The following CD36 variants were observed in gnomAD, a reference collection of about 807,000 sequenced individuals.
CD36 encodes the protein platelet glycoprotein 4.
CD36 carries 119 observed loss-of-function variants against 55.2 expected under a neutral mutation model. The observed-to-expected ratio is 2.15, with a 90% CI of 1.86 to 2.51. The LOEUF is 2.51. CD36 is among the 30% of genes most tolerant of loss of function. The pLI, the probability that CD36 is intolerant of heterozygous loss-of-function variation, is 0.00. For synonymous variants in CD36, 186 were observed against 193.6 expected (o/e 0.96, Z 0.33); for missense variants, 819 against 555.5 (o/e 1.47, Z -4.77).
intron 1 of CD36, among the ~76,000 whole-genome samples, chr7:80,642,469 A>G (rs904297637): frequency 2.0e-5 from 3 of 152,124 alleles, no homozygotes; most frequent in Admixed American, 6.5e-5. Flanking sequence ...CTGTGTGACT[A>G]CATGTGCTAT....
intron 5 of CD36, chr7:80,662,476 C>T (rs1584423209): frequency 1.9e-5 from 5 of 263,052 alleles, no homozygotes; most frequent in South Asian, 1.1e-4. Context: ...GGCAGAGAGC[C>T]TCGTGCCGTT....
At chr7:80,606,836 A>G (rs1792577557) in intron 1 of CD36, among the ~76,000 whole-genome samples, 1 of 152,104 alleles carries the variant, frequency 6.6e-6, no homozygotes, top group South Asian at 2.1e-4. Flanking sequence ...GGGGATGGTT[A>G]CCAGCTGGTG....
intron 7 of CD36, among the ~76,000 whole-genome samples, chr7:80,665,147 T>C (rs1430914125): frequency 1.3e-5 from 2 of 152,012 alleles, no homozygotes; most frequent in Non-Finnish European, 2.9e-5. Context: ...ATGAAGACTT[T>C]GCCAACTTTA....
At chr7:80,648,596 A>G (rs778547597) in intron 3 of CD36, among the ~76,000 whole-genome samples, 16 of 152,128 alleles carry the variant, frequency 1.1e-4, no homozygotes, top group Admixed American at 8.5e-4. Flanking sequence ...GTGCTTTTGT[A>G]TAATGACTAA....
At chr7:80,636,828 T>C (rs1158626646), upstream of CD36, 2 of 152,088 alleles carry the variant, frequency 1.3e-5, no homozygotes, top group Non-Finnish European at 2.9e-5. Context: ...CTGTGTGCTT[T>C]CAGATCTTGT....
chr7:80,671,946 C>T lies in CD36; in HGVS notation c.1031C>T (p.Pro344Leu), dbSNP rs766306376. 8 of 1,611,196 alleles carry T rather than the reference C, an allele frequency of 5.0e-6. No individual in the cohort carries two copies. In the Admixed American group the frequency reaches 1.0e-4, roughly 20 times the overall value. ...KEGRPVYISL[P>L]HFLYASPDVS... Reference sequence around the variant, plus strand: ...GGGAGACCTGTGTACATTTCACTTCCTCATTTTCTGTATGCAAGTCCTGAT... The same window carrying T: ...GGGAGACCTGTGTACATTTCACTTCTTCATTTTCTGTATGCAAGTCCTGAT... Residue 344 changes from proline to leucine, a missense_variant, in exon 11 of 15, where the codon CCT (proline) becomes CTT (leucine). By Grantham distance (98) the Pro-to-Leu change is moderately conservative (BLOSUM62 -3). Transcript: ENST00000447544.
At chr7:80,605,229 A>G (rs1459824636) in intron 1 of CD36, among the ~76,000 whole-genome samples, 1 of 152,166 alleles carries the variant, frequency 6.6e-6, no homozygotes, top group East Asian at 1.9e-4. Flanking sequence ...ATTCATTGAC[A>G]TACTCTTTCA....
intron 3 of CD36, among the ~76,000 whole-genome samples, chr7:80,650,099 A>G (rs1044302644): frequency 2.6e-5 from 4 of 152,094 alleles, no homozygotes; most frequent in Admixed American, 2.6e-4. Flanking sequence ...GGAAAAGAGA[A>G]GATTCAGACT....
At chr7:80,668,029 G>C (rs1034956960) in intron 8 of CD36, among the ~76,000 whole-genome samples, 2 of 152,030 alleles carry the variant, frequency 1.3e-5, no homozygotes, top group Non-Finnish European at 2.9e-5. Flanking sequence ...TTACAGGCTT[G>C]AGCCACCACA....
upstream of CD36, among the ~76,000 whole-genome samples, chr7:80,636,656 A>C (rs1027837939): frequency 3.3e-5 from 5 of 152,178 alleles, no homozygotes; most frequent in African/African-American, 9.7e-5. Flanking sequence ...AGCAAGGTAT[A>C]TGCTCACATA....
At position 80,661,120 on chromosome 7, in the gene CD36, T is replaced by C. The variant is rs755912548; in HGVS notation, c.339T>C (p.Ser113=). 6 of 1,614,046 alleles carry C rather than the reference T, an allele frequency of 3.7e-6. No individual in the cohort carries two copies. The South Asian group carries it at 6.6e-5, about 18-fold the overall frequency. The change falls in exon 5 of 15, where the codon TCT becomes TCC. Residue 113 remains serine (S), a synonymous_variant. Transcript: ENST00000447544. ...AGGACGCTGAGGACAACACAGTCTC[T>C]TTCCTGCAGCCCAATGGTGCCATCT... is the stretch of plus-strand genomic sequence containing the variant. The part of the protein sequence containing the change: ...VTQDAEDNTV[S]FLQPNGAIFE...
At chr7:80,674,300 A>C in intron 14 of CD36, 153 bp downstream of exon 14, 1 of 612,046 alleles carries the variant, frequency 1.6e-6, no homozygotes, top group Non-Finnish European at 2.9e-6. Flanking sequence ...TAAACCTATA[A>C]ATATTATCAC....
chr7:80,627,600 T>C (rs1040787931), intron 1 of CD36, among the ~76,000 whole-genome samples: 1 of 151,880 alleles, frequency 6.6e-6, no homozygotes, highest in Non-Finnish European at 1.5e-5. Flanking sequence ...GATAGTAGAT[T>C]GGCATGTAAA....
chr7:80,606,686 C>T (rs1392680050), intron 1 of CD36, among the ~76,000 whole-genome samples: 1 of 152,122 alleles, frequency 6.6e-6, no homozygotes, highest in East Asian at 1.9e-4. Context: ...GTCCGAGGGT[C>T]ATCTTGGAGA....
chr7:80,656,659 C>A lies in CD36; in HGVS notation c.240C>A (p.Ser80Arg), dbSNP rs776269710. 6.2e-7 allele frequency: 1 copy of A among 1,613,680 alleles called. No individual in the cohort carries two copies. Among genetic ancestry groups the A allele is most frequent in the Non-Finnish European group, 8.5e-7 (1 of 1,179,744 alleles). Residue 80 changes from serine to arginine, a missense_variant, in exon 4 of 15, where the codon AGC becomes AGA. By Grantham distance (110) the Ser-to-Arg change is moderately radical. Coordinates refer to ENST00000447544, the MANE Select transcript of CD36 (RefSeq NM_001001548.3). ...VQNPQEVMMN[S>R]SNIQVKQRGP... ...ATCCACAGGAAGTGATGATGAACAG[C>A]AGCAACATTCAAGTTAAGCAAAGAG...
At chr7:80,673,883 C>T in intron 13 of CD36, 100 bp from the exon 14 acceptor site, 1 of 863,112 alleles carries the variant, frequency 1.2e-6, no homozygotes, top group African/African-American at 1.7e-5. Context: ...TGATGACTAA[C>T]ACCAATAGAG....
chr7:80,646,810 G>GGTATTTGGAT lies in CD36; in HGVS notation c.75_76insTGGATGTATT (p.Leu26TrpfsTer17). ...TGGTGCTGTCCTGGCTGTGTTTGGA[G>GGTATTTGGAT]GTATTCTAATGCCAGTTGGAGACCT... On this transcript the variant is annotated frameshift_variant, in exon 3 of 15. Transcript: ENST00000447544. LOFTEE classifies it high-confidence loss of function. 6.2e-7 allele frequency: 1 copy of GGTATTTGGAT among 1,613,904 alleles called. No individual in the cohort carries two copies. The highest frequency in any genetic ancestry group is 8.5e-7 in the Non-Finnish European group (1 of 1,179,908).
intron 3 of CD36, among the ~76,000 whole-genome samples, chr7:80,648,540 C>CT (rs3211815): frequency 0.14 from 20,825 of 151,774 alleles, 1,999 homozygotes; most frequent in East Asian, 0.33. Flanking sequence ...TATCTTTATG[C>CT]TTATAATAGT....
chr7:80,630,047 G>A (rs1451476999), intron 1 of CD36, among the ~76,000 whole-genome samples: 1 of 151,998 alleles, frequency 6.6e-6, no homozygotes, highest in Non-Finnish European at 1.5e-5. Context: ...TTAGTAAATA[G>A]CACAAGTTTC....
Sources: allele counts gnomAD v4.1 joint callset (sites outside exome capture counted in the v4.1 genomes callset), GRCh38; gene constraint gnomAD v4.1.1; transcripts MANE v1.5; gene names NCBI Gene and HGNC (gene_info 2026-07-23, HGNC 2026-07-21).